PCOLCE2: variants seen among roughly 807,000 people sequenced by gnomAD.
PCOLCE2 encodes procollagen C-proteinase enhancer 2.
Under a neutral mutation model 47.0 loss-of-function variants are expected in PCOLCE2, and 42 were observed. The observed-to-expected ratio is 0.89, with a 90% CI of 0.70 to 1.16. PCOLCE2 has a LOEUF of 1.16. PCOLCE2 is among the 50% of genes most tolerant of loss of function. The pLI is 0.00. For synonymous variants in PCOLCE2, 169 were observed against 191.7 expected (o/e 0.88, Z 0.98); for missense variants, 500 against 526.1 (o/e 0.95, Z 0.49).
At chr3:142,880,351 C>T (rs1053442471) in intron 2 of PCOLCE2, among the ~76,000 whole-genome samples, 2 of 152,062 alleles carry the variant, frequency 1.3e-5, no homozygotes, top group African/African-American at 4.8e-5. Flanking sequence ...ATTCCATTCC[C>T]CTATCTGTCC....
At chr3:142,867,627 G>A (rs1367972529) in intron 2 of PCOLCE2, among the ~76,000 whole-genome samples, 1 of 151,972 alleles carries the variant, frequency 6.6e-6, no homozygotes, top group Non-Finnish European at 1.5e-5. Flanking sequence ...AATCTTATTA[G>A]CCATCAGGGA....
At chr3:142,829,186 T>A (rs1045259564) in intron 6 of PCOLCE2, among the ~76,000 whole-genome samples, 2 of 151,934 alleles carry the variant, frequency 1.3e-5, no homozygotes, top group African/African-American at 4.8e-5. Flanking sequence ...AACCAGCCTC[T>A]GTACTTCGTT....
intron 4 of PCOLCE2, among the ~76,000 whole-genome samples, chr3:142,840,763 G>A (rs768146610): frequency 6.6e-6 from 1 of 152,074 alleles, no homozygotes; most frequent in Non-Finnish European, 1.5e-5. Context: ...AAAAATTGGC[G>A]AACTTTTTCT....
Position 142,868,661 on chromosome 3 carries a change from G to A in PCOLCE2, c.192+19008C>T, listed in dbSNP as rs142191926. Among the ~76,000 whole-genome samples, 770 of 152,028 alleles carry A rather than the reference G, an allele frequency of 5.1e-3. 4 individuals are homozygous for A. The highest frequency in any genetic ancestry group is 0.017 in the African/African-American group (710 of 41,436). On this transcript the variant is annotated intron_variant, in intron 2 of 8. Transcript: ENST00000295992. ...TTTCCCCTGCCAAAGCACTCACACC[G>A]TCACTCTCTTTAAATTAGCAGATCA... is the stretch of plus-strand genomic sequence containing the variant.
chr3:142,859,004 T>C (rs1294817444), intron 2 of PCOLCE2, among the ~76,000 whole-genome samples: 3 of 151,956 alleles, frequency 2.0e-5, no homozygotes, highest in Non-Finnish European at 2.9e-5. Flanking sequence ...AGATAAAAGC[T>C]GAGGGAGACC....
intron 5 of PCOLCE2, among the ~76,000 whole-genome samples, chr3:142,834,752 A>G (rs1937184405): frequency 6.6e-6 from 1 of 152,030 alleles, no homozygotes; most frequent in Admixed American, 6.6e-5. Flanking sequence ...CTTTTTTATC[A>G]TACTGATAAA....
chr3:142,833,880 T>C (rs1057184260), intron 5 of PCOLCE2, among the ~76,000 whole-genome samples: 29 of 152,190 alleles, frequency 1.9e-4, no homozygotes, highest in African/African-American at 6.5e-4. Flanking sequence ...ATTTGTGGCT[T>C]TTCTTTTCCC....
chr3:142,845,725 A>G (rs1343901053), intron 3 of PCOLCE2, among the ~76,000 whole-genome samples: 4 of 152,152 alleles, frequency 2.6e-5, no homozygotes, highest in East Asian at 3.9e-4. Context: ...TGTAATCCTA[A>G]CACTTTGGGA....
chr3:142,887,835 T>C (rs1933744998), intron 1 of PCOLCE2, 58 bp from the exon 2 acceptor site: 1 of 928,758 alleles, frequency 1.1e-6, no homozygotes, highest in Non-Finnish European at 1.8e-6. Context: ...AACAATCTGA[T>C]GTTACCTTCA....
At chr3:142,847,849 T>G (rs1937343755) in intron 3 of PCOLCE2, among the ~76,000 whole-genome samples, 1 of 152,206 alleles carries the variant, frequency 6.6e-6, no homozygotes, top group African/African-American at 2.4e-5. Context: ...ACTTTTATTT[T>G]TTAAAAGCTA....
intron 5 of PCOLCE2, among the ~76,000 whole-genome samples, chr3:142,837,772 T>A (rs1937220712): frequency 1.3e-5 from 2 of 152,216 alleles, no homozygotes; most frequent in South Asian, 4.1e-4. Context: ...ACACCAGAAA[T>A]ACAGTTATAT....
At chr3:142,854,613 C>A (rs35080536) in intron 2 of PCOLCE2, among the ~76,000 whole-genome samples, 14,107 of 152,056 alleles carry the variant, frequency 0.093, 880 homozygotes, top group African/African-American at 0.18. Context: ...TTGGGGATTT[C>A]ACTAAAAAAA....
At chr3:142,868,736 G>A (rs896550497) in intron 2 of PCOLCE2, among the ~76,000 whole-genome samples, 3 of 152,174 alleles carry the variant, frequency 2.0e-5, no homozygotes, top group Non-Finnish European at 4.4e-5. Context: ...GGGAACGAAC[G>A]ACACAGCAGC....
At chr3:142,827,009 G>A (rs563730100) in intron 6 of PCOLCE2, 59 of 722,986 alleles carry the variant, frequency 8.2e-5, no homozygotes, top group Middle Eastern at 4.1e-4. Flanking sequence ...AGGTCATCTC[G>A]TTCTTGATCA....
chr3:142,842,970 G>T lies in PCOLCE2; in HGVS notation c.527C>A (p.Pro176His). ...GTGCCACACACAAGTGACTCCTGCAGGGTAATCCCGGTCTGGCCAGTTGGG... is the reference window on the plus strand; with the variant it reads ...GTGCCACACACAAGTGACTCCTGCATGGTAATCCCGGTCTGGCCAGTTGGG... ...KTPNWPDRDY[P>H]AGVTCVWHIV... The change falls in exon 4 of 9, where the codon CCT becomes CAT. Residue 176 changes from proline to histidine, a missense_variant. By Grantham distance (77) the Pro-to-His change is moderately conservative. Transcript: ENST00000295992. The surrounding 1 kb of genome is among the most constrained non-coding windows in gnomAD (Gnocchi z 4.1). 6.2e-7 allele frequency: 1 copy of T among 1,614,014 alleles called. No individual in the cohort carries two copies. The highest frequency in any genetic ancestry group is 8.5e-7 in the Non-Finnish European group (1 of 1,179,896).
At chr3:142,843,086 A>T (rs761955352) in intron 3 of PCOLCE2, 38 bp from the exon 4 acceptor site, 4 of 1,603,806 alleles carry the variant, frequency 2.5e-6, no homozygotes, top group Non-Finnish European at 3.4e-6. Flanking sequence ...CCACAAGTTT[A>T]TGTAGGTTAC....
chr3:142,872,598 T>C (rs889784786), intron 2 of PCOLCE2, among the ~76,000 whole-genome samples: 15 of 152,186 alleles, frequency 9.9e-5, no homozygotes, highest in African/African-American at 3.4e-4. Context: ...TAAAATAATC[T>C]CATTGATCCC....
At chr3:142,875,337 T>C (rs372492250) in intron 2 of PCOLCE2, among the ~76,000 whole-genome samples, 3 of 152,258 alleles carry the variant, frequency 2.0e-5, no homozygotes, top group East Asian at 3.9e-4. Context: ...GACATCTACA[T>C]TGGCCTAGAA....
At chr3:142,829,387 C>G (rs753756902) in intron 6 of PCOLCE2, among the ~76,000 whole-genome samples, 3 of 151,568 alleles carry the variant, frequency 2.0e-5, no homozygotes, top group Non-Finnish European at 4.4e-5. Context: ...AAAAAGCAAA[C>G]GACAAGTTTG....
Sources: allele counts gnomAD v4.1 joint callset (sites outside exome capture counted in the v4.1 genomes callset), GRCh38; gene constraint gnomAD v4.1.1; non-coding constraint Gnocchi (gnomAD v3.1); transcripts MANE v1.5; gene names NCBI Gene and HGNC (gene_info 2026-07-23, HGNC 2026-07-21).